The following IL5RA variants were observed in gnomAD, a reference collection of about 807,000 sequenced individuals.
The protein encoded by IL5RA is interleukin-5 receptor subunit alpha.
IL5RA carries 49 observed loss-of-function variants against 50.0 expected under a neutral mutation model. The observed-to-expected ratio is 0.98, with a 90% CI of 0.78 to 1.24. The LOEUF is 1.24. Among genes scored for constraint, IL5RA ranks in the 50% most tolerant of loss-of-function variants. The probability of loss-of-function intolerance (pLI) is 0.00; values close to 1 mark genes in which losing one functional copy is unlikely to be tolerated. For missense variants in IL5RA, 600 were observed against 500.4 expected (o/e 1.20, Z -1.90); for synonymous variants, 202 against 174.0 (o/e 1.16, Z -1.26).
chr3:3,069,362 T>G lies in IL5RA; in HGVS notation c.*863A>C, dbSNP rs1055126622. On this transcript the variant is annotated 3_prime_UTR_variant, in exon 12 of 12. Coordinates refer to ENST00000446632, the MANE Select transcript of IL5RA (RefSeq NM_175726.4). ...AGACTAGGATTGATCTGGCATTACT[T>G]GACCAACAAGTTGTTCTGAAGTCTT... 6 of 152,276 alleles carry G rather than the reference T, an allele frequency of 3.9e-5. No individual in the cohort carries two copies. Among genetic ancestry groups the G allele is most frequent in the African/African-American group, 1.4e-4 (6 of 41,478 alleles). The allele number at this position is 152,276 out of a possible 1,614,324, so 9.4% of individuals were successfully genotyped here.
At chr3:3,081,381 T>C (rs163547) in intron 9 of IL5RA, among the ~76,000 whole-genome samples, 152,197 of 152,338 alleles carry the variant, frequency 1, 76,028 homozygotes, top group Middle Eastern at 1. Flanking sequence ...ATGCAAGTAT[T>C]CTGACAACCA....
intron 7 of IL5RA, 102 bp from the exon 8 acceptor site, chr3:3,095,546 G>A (rs983689557): frequency 1.0e-5 from 10 of 973,586 alleles, no homozygotes; most frequent in Middle Eastern, 3.1e-4. Flanking sequence ...TCTAAGATAC[G>A]CTTTTTTCAA....
Position 3,076,648 on chromosome 3 carries a change from A to G in IL5RA, c.995-21T>C, listed in dbSNP as rs761368550. On this transcript the variant is annotated intron_variant, in intron 9 of 11. Coordinates refer to ENST00000446632, the MANE Select transcript of IL5RA (RefSeq NM_175726.4). The stretch of plus-strand genomic sequence containing the variant: ...ATTTCCTGGTGGAAAACAAAAAAGA[A>G]ACAAAAAAATATAAAGTCCAAGTTA... 2.7e-6 allele frequency: 4 copies of G among 1,509,330 alleles called. No individual in the cohort carries two copies. In the African/African-American group the frequency reaches 5.5e-5, roughly 21 times the overall value. 93.5% of individuals were successfully genotyped at this position (1,509,330 alleles called of 1,614,324 possible).
chr3:3,102,528 C>G, intron 4 of IL5RA, 147 bp downstream of exon 4: 2 of 567,540 alleles, frequency 3.5e-6, no homozygotes, highest in Non-Finnish European at 6.1e-6. Flanking sequence ...CACAGGCATT[C>G]TTAGAGAGAC....
intron 2 of IL5RA, chr3:3,105,498 G>T (rs2125986670): frequency 6.6e-6 from 1 of 152,302 alleles, no homozygotes; most frequent in South Asian, 2.1e-4. Context: ...AAAGATGAGT[G>T]AACATGACAG....
chr3:3,089,156 C>A (rs183422392), intron 9 of IL5RA, among the ~76,000 whole-genome samples: 212 of 152,282 alleles, frequency 1.4e-3, no homozygotes, highest in Non-Finnish European at 2.2e-3. Flanking sequence ...CCCATTCTCA[C>A]TTCCTTTTAG....
Position 3,073,879 on chromosome 3 carries a change from A to G in IL5RA, c.1176+903T>C, listed in dbSNP as rs187623624. 76 of 427,070 alleles carry G rather than the reference A, an allele frequency of 1.8e-4. 1 individual carries two copies. In the East Asian group the frequency reaches 5.2e-3, roughly 29 times the overall value. The allele number at this position is 427,070 out of a possible 1,614,324, so 26.5% of individuals were successfully genotyped here. ...AAATCACTTTTGGAGGCCTTCCACA[A>G]ATGGTCTCGTGGTTTACGATAAAGC... On this transcript the variant is annotated intron_variant, in intron 11 of 11. Coordinates refer to ENST00000446632, the MANE Select transcript of IL5RA (RefSeq NM_175726.4).
chr3:3,071,277 A>G (rs1006388886), intron 11 of IL5RA, among the ~76,000 whole-genome samples: 2 of 151,978 alleles, frequency 1.3e-5, no homozygotes, highest in Non-Finnish European at 2.9e-5. Flanking sequence ...TGGAGGAGGA[A>G]CCCTCTCTTG....
rs1045150881 is a variant in IL5RA at position 3,067,781 on chromosome 3, T to A, written c.*2444A>T. On this transcript the variant is annotated 3_prime_UTR_variant, in exon 12 of 12. Transcript: ENST00000446632. ...ATAACGGTACCAGCTCAGGGAAGTG[T>A]GGCAAGGAGCTCCACAGAGCCCAGG... is the stretch of plus-strand genomic sequence containing the variant. 1.3e-5 allele frequency: 2 copies of A among 152,292 alleles called. No homozygotes were observed. Among genetic ancestry groups the A allele is most frequent in the African/African-American group, 4.8e-5 (2 of 41,424 alleles). 9.4% of individuals were successfully genotyped at this position (152,292 alleles called of 1,614,324 possible).
intron 7 of IL5RA, among the ~76,000 whole-genome samples, chr3:3,096,289 A>AAAGAAGAAGAAGAAG (rs5846242): frequency 2.7e-4 from 38 of 141,352 alleles, no homozygotes; most frequent in African/African-American, 1.0e-3. Flanking sequence ...AAAAAAAAAA[A>AAAGAAGAAGAAGAAG]AAGAAGAAGA....
chr3:3,092,406 A>G lies in IL5RA; in HGVS notation c.856-44T>C. 1.9e-6 allele frequency: 3 copies of G among 1,586,980 alleles called. No homozygotes were observed. The highest frequency in any genetic ancestry group is 3.4e-5 in the Admixed American group (2 of 59,596). On this transcript the variant is annotated intron_variant, in intron 8 of 11. Transcript: ENST00000446632. This position sits in a 1 kb window ranked among gnomAD's most constrained non-coding sequence, Gnocchi z 4.2. ...CATTAGAAGAATCTCTAGACACCTA[A>G]TTTAGTTCTGCCGATTATCAGAATG...
chr3:3,072,099 C>T (rs916089484), intron 11 of IL5RA, among the ~76,000 whole-genome samples: 17 of 152,248 alleles, frequency 1.1e-4, no homozygotes, highest in African/African-American at 4.1e-4. Context: ...TCTTGTCACC[C>T]TTGTAGCACA....
Position 3,098,165 on chromosome 3 carries a change from C to T in IL5RA, c.493G>A (p.Glu165Lys). ...CTWLVGTDAPEDTQYFLYYRY... is the reference protein window; with the variant it reads ...CTWLVGTDAPKDTQYFLYYRY... ...TAGTAGAGAAAATACTGCGTGTCCT[C>T]AGGGGCATCTGTGCCAACAAGCCAG... The change falls in exon 6 of 12, where the codon GAG (glutamate) becomes AAG (lysine). Residue 165 changes from glutamate to lysine, a missense_variant. Glu to Lys is a moderately conservative substitution (Grantham distance 56, BLOSUM62 1). Coordinates refer to ENST00000446632, the MANE Select transcript of IL5RA (RefSeq NM_175726.4). 1.2e-6 allele frequency: 2 copies of T among 1,614,148 alleles called. No homozygotes were observed. The highest frequency in any genetic ancestry group is 1.7e-6 in the Non-Finnish European group (2 of 1,180,042).
chr3:3,088,018 A>C (rs925993027), intron 9 of IL5RA, among the ~76,000 whole-genome samples: 1 of 152,190 alleles, frequency 6.6e-6, no homozygotes, highest in African/African-American at 2.4e-5. Flanking sequence ...GCTCATCTTC[A>C]TGAAAAGGAT....
In IL5RA at chr3:3,070,214, C is replaced by A. The variant is rs1208267630; in HGVS notation, c.*11G>T. On this transcript the variant is annotated 3_prime_UTR_variant, in exon 12 of 12. Coordinates refer to ENST00000446632, the MANE Select transcript of IL5RA (RefSeq NM_175726.4). Reference sequence around the variant, plus strand: ...CATGTGTGAGTTCATCAGAGGATGCCAAAGTGACAGTCAAAACACAGAATC... The same window carrying A: ...CATGTGTGAGTTCATCAGAGGATGCAAAAGTGACAGTCAAAACACAGAATC... 1 of 1,588,816 alleles carries A rather than the reference C, an allele frequency of 6.3e-7. No homozygotes were observed. Among genetic ancestry groups the A allele is most frequent in the African/African-American group, 1.3e-5 (1 of 74,230 alleles).
chr3:3,074,575 C>G (rs1207903033), intron 11 of IL5RA, among the ~76,000 whole-genome samples: 1 of 152,132 alleles, frequency 6.6e-6, no homozygotes, highest in Non-Finnish European at 1.5e-5. Flanking sequence ...TTGAGACCAG[C>G]CTGGACAACA....
At chr3:3,080,886 G>A (rs1702640894) in intron 9 of IL5RA, among the ~76,000 whole-genome samples, 1 of 152,086 alleles carries the variant, frequency 6.6e-6, no homozygotes, top group African/African-American at 2.4e-5. Context: ...TGTAGAGATG[G>A]GGCCTCAGTA....
intron 11 of IL5RA, among the ~76,000 whole-genome samples, chr3:3,074,138 G>T (rs1054317086): frequency 1.3e-5 from 2 of 152,188 alleles, no homozygotes; most frequent in African/African-American, 4.8e-5. Context: ...ATGGTGAACA[G>T]GCCTAAGAAA....
In IL5RA at chr3:3,068,179, G is replaced by C. The variant is rs1702182373; in HGVS notation, c.*2046C>G. The C allele has an allele frequency of 6.6e-6, 1 of 152,182 alleles. No homozygotes were observed. Among genetic ancestry groups the C allele is most frequent in the African/African-American group, 2.4e-5 (1 of 41,396 alleles). The allele number at this position is 152,182 out of a possible 1,614,324, so 9.4% of individuals were successfully genotyped here. On this transcript the variant is annotated 3_prime_UTR_variant, in exon 12 of 12. Coordinates refer to ENST00000446632, the MANE Select transcript of IL5RA (RefSeq NM_175726.4). ...AACGCAGCTTTTCAGACCTCACCCA[G>C]ACCTATTCAGTTAGAGACTCTAAGA...
Sources: gnomAD v4.1 joint callset for allele counts (sites outside exome capture counted in the v4.1 genomes callset) on GRCh38, gnomAD v4.1.1 for gene constraint, Gnocchi (gnomAD v3.1) non-coding constraint, MANE v1.5 for transcripts, NCBI Gene and HGNC (gene_info 2026-07-23, HGNC 2026-07-21) for gene names.